ITFG1: variants seen among roughly 807,000 people sequenced by gnomAD.
ITFG1 encodes T-cell immunomodulatory protein.
In ITFG1, 34 loss-of-function variants were observed where a neutral mutation model predicts 81.8. The ratio of observed to expected loss-of-function variants is 0.42; its 90% CI spans 0.32 to 0.55. The LOEUF is 0.55. Among genes scored for constraint, ITFG1 ranks in the 20% least tolerant of loss-of-function variants. The probability of loss-of-function intolerance (pLI) is 0.17; values close to 1 mark genes in which losing one functional copy is unlikely to be tolerated. For synonymous variants in ITFG1, 285 were observed against 270.6 expected, an observed-to-expected ratio of 1.05 and a Z score of -0.52; for missense variants, 672 against 755.4, an observed-to-expected ratio of 0.89 and a Z score of 1.29.
chr16:47,194,304 T>C (rs1400629069), intron 14 of ITFG1, among the ~76,000 whole-genome samples: 1 of 152,226 alleles, frequency 6.6e-6, no homozygotes, highest in Non-Finnish European at 1.5e-5. Context: ...CAAATGTATA[T>C]GTCTGGCTCC....
intron 8 of ITFG1, among the ~76,000 whole-genome samples, chr16:47,360,782 T>C (rs887888581): frequency 2.6e-5 from 4 of 152,200 alleles, no homozygotes; most frequent in African/African-American, 7.2e-5. Context: ...TCAATACACC[T>C]AGCCATAAAA....
At chr16:47,364,985 C>G (rs1294329228) in intron 8 of ITFG1, among the ~76,000 whole-genome samples, 1 of 152,224 alleles carries the variant, frequency 6.6e-6, no homozygotes, top group East Asian at 1.9e-4. Flanking sequence ...AGCTCAAACT[C>G]TAACTTCTTG....
intron 14 of ITFG1, among the ~76,000 whole-genome samples, chr16:47,189,638 G>A (rs1015756137): frequency 3.9e-5 from 6 of 152,270 alleles, no homozygotes; most frequent in Admixed American, 3.3e-4. Flanking sequence ...CTTTCTGGGG[G>A]ATTATGAATA....
At chr16:47,380,536 C>T (rs1968383254) in intron 6 of ITFG1, among the ~76,000 whole-genome samples, 1 of 152,164 alleles carries the variant, frequency 6.6e-6, no homozygotes, top group Non-Finnish European at 1.5e-5. Flanking sequence ...CTAGTGGACA[C>T]GTACTGGCAG....
At chr16:47,394,423 G>A (rs1294885019) in intron 6 of ITFG1, among the ~76,000 whole-genome samples, 3 of 152,028 alleles carry the variant, frequency 2.0e-5, no homozygotes, top group Non-Finnish European at 4.4e-5. Flanking sequence ...ATGACTCATC[G>A]ACATACACTA....
At chr16:47,226,210 C>CT (rs1184568434) in intron 13 of ITFG1, among the ~76,000 whole-genome samples, 2 of 152,224 alleles carry the variant, frequency 1.3e-5, no homozygotes, top group Non-Finnish European at 2.9e-5. Context: ...AACAAAATAA[C>CT]TTTTTTGTGT....
intron 10 of ITFG1, among the ~76,000 whole-genome samples, chr16:47,301,394 T>TTTC (rs1302918877): frequency 3.3e-5 from 5 of 151,998 alleles, no homozygotes; most frequent in Non-Finnish European, 5.9e-5. Flanking sequence ...TTCTTTTTCT[T>TTTC]TTCTTCTTCT....
At chr16:47,428,361 G>A (rs1437725473) in intron 6 of ITFG1, among the ~76,000 whole-genome samples, 3 of 152,044 alleles carry the variant, frequency 2.0e-5, no homozygotes, top group Non-Finnish European at 4.4e-5. Context: ...GGTTAAATGT[G>A]CATATATTAT....
intron 7 of ITFG1, among the ~76,000 whole-genome samples, chr16:47,374,807 T>C (rs1031159532): frequency 6.6e-6 from 1 of 152,104 alleles, no homozygotes; most frequent in Non-Finnish European, 1.5e-5. Context: ...AGCTTAGAAG[T>C]AGTCGGAAGC....
intron 12 of ITFG1, among the ~76,000 whole-genome samples, chr16:47,255,929 A>C (rs1966133593): frequency 1.3e-5 from 2 of 152,158 alleles, no homozygotes; most frequent in East Asian, 3.9e-4. Context: ...TTCACCAAGA[A>C]GGATGATGCT....
At chr16:47,387,561 C>T (rs924881203) in intron 6 of ITFG1, among the ~76,000 whole-genome samples, 1 of 152,134 alleles carries the variant, frequency 6.6e-6, no homozygotes, top group Non-Finnish European at 1.5e-5. Flanking sequence ...ACCCAGGCCC[C>T]ACCTCCAAAC....
intron 14 of ITFG1, among the ~76,000 whole-genome samples, chr16:47,215,714 C>T (rs1965617639): frequency 6.6e-6 from 1 of 152,132 alleles, no homozygotes; most frequent in Admixed American, 6.6e-5. Flanking sequence ...GATATGTCTT[C>T]CTCCAACTAT....
chr16:47,394,801 G>A (rs1968574581), intron 6 of ITFG1, among the ~76,000 whole-genome samples: 1 of 152,080 alleles, frequency 6.6e-6, no homozygotes, highest in South Asian at 2.1e-4. Flanking sequence ...TGGTATCTGA[G>A]ATCCTGAGTG....
intron 8 of ITFG1, among the ~76,000 whole-genome samples, chr16:47,360,180 C>T (rs1968091670): frequency 6.6e-6 from 1 of 152,128 alleles, no homozygotes; most frequent in African/African-American, 2.4e-5. Context: ...TGACTGAATC[C>T]TATGTATGTA....
At chr16:47,409,089 C>G (rs887739923) in intron 6 of ITFG1, among the ~76,000 whole-genome samples, 1 of 151,450 alleles carries the variant, frequency 6.6e-6, no homozygotes, top group African/African-American at 2.4e-5. Flanking sequence ...TTATTTTGAC[C>G]TCCTGGATCC....
intron 14 of ITFG1, among the ~76,000 whole-genome samples, chr16:47,195,884 A>G (rs1374034769): frequency 6.6e-6 from 1 of 151,930 alleles, no homozygotes; most frequent in Non-Finnish European, 1.5e-5. Context: ...GCACCCCCCA[A>G]CAGGCCCTAG....
At chr16:47,415,997 G>A (rs1968869465) in intron 6 of ITFG1, among the ~76,000 whole-genome samples, 1 of 152,156 alleles carries the variant, frequency 6.6e-6, no homozygotes, top group African/African-American at 2.4e-5. Context: ...AGGGGGCTGA[G>A]GCAGGAGAAT....
chr16:47,409,543 GT>G (rs1968782703), intron 6 of ITFG1, among the ~76,000 whole-genome samples: 1 of 144,636 alleles, frequency 6.9e-6, no homozygotes, highest in South Asian at 2.2e-4. Flanking sequence ...AGCCTCCTGA[GT>G]AGCTGGGATT....
chr16:47,194,966 T>C (rs551393306), intron 14 of ITFG1, among the ~76,000 whole-genome samples: 1 of 152,198 alleles, frequency 6.6e-6, no homozygotes, highest in African/African-American at 2.4e-5. Flanking sequence ...ATGTGCACCA[T>C]CCCCCACACC....
Sources: gnomAD v4.1 joint callset for allele counts (sites outside exome capture counted in the v4.1 genomes callset) on GRCh38, gnomAD v4.1.1 for gene constraint, MANE v1.5 for transcripts, NCBI Gene and HGNC (gene_info 2026-07-23, HGNC 2026-07-21) for gene names.